BCKDHB: variants seen among roughly 807,000 people sequenced by gnomAD.
BCKDHB encodes the protein branched chain keto acid dehydrogenase E1 subunit beta, also known as 2-oxoisovalerate dehydrogenase subunit beta, mitochondrial.
In BCKDHB, 41 loss-of-function variants were observed where a neutral mutation model predicts 48.5. The ratio of observed to expected loss-of-function variants is 0.85; its 90% confidence interval spans 0.66 to 1.10. The LOEUF is 1.10. Among genes scored for constraint, BCKDHB ranks in the 50% least tolerant of loss-of-function variants. The pLI is 0.00. For missense variants in BCKDHB, 496 were observed against 494.2 expected (o/e 1.00, Z -0.03); for synonymous variants, 201 against 174.8 (o/e 1.15, Z -1.18).
intron 8 of BCKDHB, among the ~76,000 whole-genome samples, chr6:80,203,608 T>G (rs1774502559): frequency 6.6e-6 from 1 of 152,200 alleles, no homozygotes; most frequent in East Asian, 1.9e-4. Flanking sequence ...GAATTTTCAT[T>G]TATCTTCTCT....
At chr6:80,393,069 C>T in the BCKDHB span, among the ~76,000 whole-genome samples, 8 of 152,040 alleles carry the variant, frequency 5.3e-5, no homozygotes, top group South Asian at 4.2e-4. Context: ...TTTCATCAAT[C>T]GGTATTTAAT....
chr6:80,171,285 G>A lies in BCKDHB; in HGVS notation c.637G>A (p.Val213Ile), dbSNP rs994415333. 6 of 1,603,416 alleles carry A rather than the reference G, an allele frequency of 3.7e-6. No homozygotes were observed. Among genetic ancestry groups the A allele is most frequent in the African/African-American group, 1.3e-5 (1 of 74,784 alleles). The change falls in exon 6 of 10, where the codon GTT becomes ATT. Residue 213 changes from valine (V) to isoleucine (I), a missense_variant. By Grantham distance (29) the Val-to-Ile change is conservative (BLOSUM62 3). Coordinates refer to ENST00000320393, the MANE Select transcript of BCKDHB (RefSeq NM_183050.4). ...FFAHCPGIKV[V>I]IPRSPFQAKG... Reference sequence around the variant, plus strand: ...TTAAAAAAATCTGTTTTTGCAGGTGGTTATACCCAGAAGCCCTTTCCAGGC... The same window carrying A: ...TTAAAAAAATCTGTTTTTGCAGGTGATTATACCCAGAAGCCCTTTCCAGGC...
chr6:80,413,647 G>T, the BCKDHB span, among the ~76,000 whole-genome samples: 2 of 152,190 alleles, frequency 1.3e-5, no homozygotes, highest in Non-Finnish European at 2.9e-5. Context: ...CGTTATGCCT[G>T]CATAGTATTC....
intron 8 of BCKDHB, among the ~76,000 whole-genome samples, chr6:80,240,165 A>C (rs1464121575): frequency 6.6e-6 from 1 of 152,024 alleles, no homozygotes; most frequent in African/African-American, 2.4e-5. Flanking sequence ...CTTGATGGGG[A>C]TGGCATTGAA....
rs144180064 is a variant in BCKDHB at position 80,137,806 on chromosome 6, G to A, written c.343+8577G>A. Among the ~76,000 whole-genome samples, 482 of 152,102 alleles carry A rather than the reference G, an allele frequency of 3.2e-3. 5 individuals are homozygous for A. The highest frequency in any genetic ancestry group is 0.011 in the African/African-American group (456 of 41,520). On this transcript the variant is annotated intron_variant, in intron 3 of 9. Coordinates refer to ENST00000320393, the MANE Select transcript of BCKDHB (RefSeq NM_183050.4). ...AATGTCAATACTGTTGAAGCTGGCTGGGCATGATGGCTTACAGTTGTAATC... is the reference window on the plus strand; with the variant it reads ...AATGTCAATACTGTTGAAGCTGGCTAGGCATGATGGCTTACAGTTGTAATC...
chr6:80,250,316 A>G (rs1464699140), intron 8 of BCKDHB, among the ~76,000 whole-genome samples: 1 of 152,220 alleles, frequency 6.6e-6, no homozygotes, highest in African/African-American at 2.4e-5. Flanking sequence ...TAAATATTTT[A>G]TATGACTCCT....
intron 3 of BCKDHB, among the ~76,000 whole-genome samples, chr6:80,134,763 A>G (rs1241149509): frequency 6.6e-6 from 1 of 151,020 alleles, no homozygotes; most frequent in African/African-American, 2.4e-5. Context: ...TTATTTATTT[A>G]TTTATTTGAG....
chr6:80,283,710 T>C (rs1010622488), intron 9 of BCKDHB, among the ~76,000 whole-genome samples: 2 of 152,126 alleles, frequency 1.3e-5, no homozygotes, highest in Non-Finnish European at 2.9e-5. Context: ...CTTGAAAATA[T>C]GGCTGTATCT....
rs554981529 is a variant in BCKDHB at position 80,165,243 on chromosome 6, T to A, written c.344-2435T>A. Among the ~76,000 whole-genome samples the A allele has an allele frequency of 2.0e-5, 3 of 152,198 alleles. No homozygotes were observed. In the East Asian group the frequency reaches 5.8e-4, roughly 29 times the overall value. ...TTTACGTTCATTTTCTACCACTGAG[T>A]TTTTGGTTCACTGGAATCATAGATT... On this transcript the variant is annotated intron_variant, in intron 3 of 9. Transcript: ENST00000320393.
At chr6:80,420,704 G>A in the BCKDHB span, among the ~76,000 whole-genome samples, 4 of 152,188 alleles carry the variant, frequency 2.6e-5, no homozygotes, top group Admixed American at 2.6e-4. Context: ...AGGTTGCTAT[G>A]TACTCCTGTC....
intron 1 of BCKDHB, among the ~76,000 whole-genome samples, chr6:80,121,221 T>G (rs1055045912): frequency 2.0e-5 from 3 of 152,256 alleles, no homozygotes; most frequent in Admixed American, 2.0e-4. Context: ...CATTGATCTA[T>G]ATCTCTGTTT....
At chr6:80,441,826 T>C in the BCKDHB span, among the ~76,000 whole-genome samples, 1 of 152,294 alleles carries the variant, frequency 6.6e-6, no homozygotes, top group African/African-American at 2.4e-5. Flanking sequence ...TGCATTTAGA[T>C]GATAGGAATA....
intron 8 of BCKDHB, among the ~76,000 whole-genome samples, chr6:80,269,864 A>C (rs1777662047): frequency 6.6e-6 from 1 of 152,116 alleles, no homozygotes; most frequent in Non-Finnish European, 1.5e-5. Context: ...ATTAATTTTT[A>C]CTAAGGACAT....
intron 8 of BCKDHB, among the ~76,000 whole-genome samples, chr6:80,253,299 A>C (rs1687819772): frequency 6.6e-6 from 1 of 152,218 alleles, no homozygotes; most frequent in African/African-American, 2.4e-5. Context: ...AAGACCTACA[A>C]ACATCTGGGA....
intron 1 of BCKDHB, among the ~76,000 whole-genome samples, chr6:80,120,738 G>C (rs1483919212): frequency 6.6e-6 from 1 of 152,096 alleles, no homozygotes; most frequent in Non-Finnish European, 1.5e-5. Flanking sequence ...ATTTGTTTGA[G>C]TTCTTTGTAG....
the BCKDHB span, among the ~76,000 whole-genome samples, chr6:80,409,575 CATATATATATATAT>C: frequency 0.022 from 1,083 of 49,882 alleles, 13 homozygotes; most frequent in Non-Finnish European, 0.037. Context: ...GTATTGGTTG[CATATATATATATAT>C]ATATATATAT....
the BCKDHB span, among the ~76,000 whole-genome samples, chr6:80,402,636 C>G: frequency 6.6e-6 from 1 of 151,526 alleles, no homozygotes; most frequent in African/African-American, 2.4e-5. Context: ...TTATTTTTTG[C>G]TTTTATTGCC....
intron 9 of BCKDHB, among the ~76,000 whole-genome samples, chr6:80,336,822 A>G (rs918924955): frequency 1.3e-5 from 2 of 152,064 alleles, no homozygotes; most frequent in African/African-American, 4.8e-5. Flanking sequence ...CATGGTGTTA[A>G]CAAAATAAAA....
the BCKDHB span, among the ~76,000 whole-genome samples, chr6:80,379,415 C>G: frequency 1.1e-4 from 17 of 151,918 alleles, no homozygotes; most frequent in African/African-American, 3.9e-4. Context: ...TTAACAAACC[C>G]TCAACAAACT....
Sources: gnomAD v4.1 joint callset for allele counts (sites outside exome capture counted in the v4.1 genomes callset) on GRCh38, gnomAD v4.1.1 for gene constraint, MANE v1.5 for transcripts, NCBI Gene and HGNC (gene_info 2026-07-23, HGNC 2026-07-21) for gene names.